The following CENPL variants were observed in gnomAD, a reference collection of about 807,000 sequenced individuals.
CENPL encodes the protein centromere protein L, also known as interphase centromere complex protein 33.
CENPL carries 20 observed loss-of-function variants against 35.2 expected under a neutral mutation model. That is an observed-to-expected ratio of 0.57 (90% confidence interval 0.40 to 0.83). CENPL has a LOEUF of 0.83. CENPL is among the 40% of genes least tolerant of loss of function. The pLI is 0.00. For missense variants in CENPL, 363 were observed against 395.8 expected (o/e 0.92, Z 0.70); for synonymous variants, 140 against 140.6 (o/e 1.00, Z 0.03).
At chr1:173,817,081 T>C (rs1651458399) in intron 2 of CENPL, among the ~76,000 whole-genome samples, 2 of 151,810 alleles carry the variant, frequency 1.3e-5, no homozygotes, top group Admixed American at 1.3e-4. Flanking sequence ...GAGGTTGCAG[T>C]GAGCCAAAAT....
intron 4 of CENPL, among the ~76,000 whole-genome samples, chr1:173,805,415 T>TATA (rs1328766285): frequency 2.1e-4 from 31 of 150,244 alleles, no homozygotes; most frequent in Middle Eastern, 3.4e-3. Context: ...CTTGGGGGGC[T>TATA]GAGGAGGGAG....
chr1:173,817,528 G>A (rs1002157353), intron 2 of CENPL, among the ~76,000 whole-genome samples: 4 of 152,236 alleles, frequency 2.6e-5, no homozygotes, highest in African/African-American at 7.2e-5. Context: ...AGGATGTGGA[G>A]AAATAGGAAT....
intron 2 of CENPL, among the ~76,000 whole-genome samples, chr1:173,818,118 C>CA (rs1557848957): frequency 6.6e-6 from 1 of 151,952 alleles, no homozygotes; most frequent in East Asian, 1.9e-4. Flanking sequence ...CAAACCTGCA[C>CA]ATTTTGCACA....
intron 1 of CENPL, 46 bp downstream of exon 1, chr1:173,824,166 G>C (rs1033151102): frequency 1.3e-5 from 2 of 152,226 alleles, no homozygotes; most frequent in Non-Finnish European, 2.9e-5. Flanking sequence ...CCTCAGACGC[G>C]GGGCGGGCCC....
chr1:173,806,643 T>C (rs1254357123), intron 4 of CENPL: 2 of 233,968 alleles, frequency 8.5e-6, no homozygotes. Flanking sequence ...GTAAGTAGTA[T>C]ATAAGAGCAA....
intron 2 of CENPL, among the ~76,000 whole-genome samples, chr1:173,819,998 C>T (rs1163767568): frequency 2.0e-5 from 3 of 152,064 alleles, no homozygotes; most frequent in Non-Finnish European, 4.4e-5. Flanking sequence ...CCACCGCACT[C>T]GGCCCATATT....
At chr1:173,809,304 T>C (rs1650572731) in intron 3 of CENPL, among the ~76,000 whole-genome samples, 1 of 149,602 alleles carries the variant, frequency 6.7e-6, no homozygotes, top group South Asian at 2.1e-4. Context: ...GATCGTACCA[T>C]TGCACTCCAG....
chr1:173,811,367 T>C, intron 2 of CENPL, 61 bp from the exon 3 acceptor site: 1 of 1,108,826 alleles, frequency 9.0e-7, no homozygotes, highest in East Asian at 2.4e-5. Flanking sequence ...ATGCTTACAG[T>C]TTCACTGATT....
intron 3 of CENPL, among the ~76,000 whole-genome samples, chr1:173,810,467 G>A (rs887266832): frequency 3.3e-5 from 5 of 151,772 alleles, no homozygotes; most frequent in African/African-American, 7.3e-5. Flanking sequence ...CATGACGCAC[G>A]TTTACCTAGA....
intron 2 of CENPL, among the ~76,000 whole-genome samples, chr1:173,813,383 C>T (rs1651032643): frequency 6.6e-6 from 1 of 152,068 alleles, no homozygotes; most frequent in African/African-American, 2.4e-5. Flanking sequence ...TCAGATTCAC[C>T]AAGGTTGAAA....
intron 2 of CENPL, among the ~76,000 whole-genome samples, chr1:173,818,478 AC>A (rs1246478875): frequency 6.6e-6 from 1 of 151,586 alleles, no homozygotes; most frequent in Non-Finnish European, 1.5e-5. Context: ...TTCCCATCTC[AC>A]CTCCTTTAAG....
intron 2 of CENPL, among the ~76,000 whole-genome samples, chr1:173,814,163 G>A (rs910716468): frequency 2.0e-5 from 3 of 152,000 alleles, no homozygotes; most frequent in African/African-American, 7.3e-5. Flanking sequence ...CCCAATACAG[G>A]AGCACCCAGA....
At position 173,807,392 on chromosome 1, in the gene CENPL, T is replaced by C. The variant is rs759090025; in HGVS notation, c.295A>G (p.Ile99Val). The C allele has an allele frequency of 1.4e-5, 22 of 1,613,620 alleles. No homozygotes were observed. In the South Asian group the frequency reaches 2.0e-4, roughly 15 times the overall value. ...KEYSRLLNAF[I>V]VAEKQKGLAV... ...AGTCCTTTTTGCTTTTCAGCAACAA[T>C]AAAAGCATTGAGAAGTCTAGAATAC... Residue 99 changes from isoleucine to valine, a missense_variant, in exon 4 of 6, where the codon ATT (isoleucine) becomes GTT (valine). By Grantham distance (29) the Ile-to-Val change is conservative (BLOSUM62 3). Coordinates refer to ENST00000682279, the MANE Select transcript of CENPL (RefSeq NM_001387287.1).
chr1:173,823,223 A>G (rs1360830970), intron 2 of CENPL: 1 of 152,206 alleles, frequency 6.6e-6, no homozygotes, highest in Non-Finnish European at 1.5e-5. Flanking sequence ...CCACACATCT[A>G]TATGAAGTCA....
At position 173,824,870 on chromosome 1, in the gene CENPL, T is replaced by A. The variant is rs2102629084; in HGVS notation, c.-760A>T. 3 of 338,894 alleles carry A rather than the reference T, an allele frequency of 8.9e-6. No individual in the cohort carries two copies. The highest frequency in any genetic ancestry group is 4.7e-5 in the South Asian group (2 of 42,414). The allele number at this position is 338,894 out of a possible 1,614,324, so 21.0% of individuals were successfully genotyped here. ...GAAGCGTGGAAAGAGGAGAAGGGCG[T>A]ATACCTTGTGACCGCCTCTGGTTGT... On this transcript the variant is annotated 5_prime_UTR_variant, in exon 1 of 6. Coordinates refer to ENST00000682279, the MANE Select transcript of CENPL (RefSeq NM_001387287.1).
At chr1:173,801,282 C>T (rs1285966700) in intron 5 of CENPL, among the ~76,000 whole-genome samples, 4 of 152,002 alleles carry the variant, frequency 2.6e-5, no homozygotes, top group Admixed American at 2.0e-4. Context: ...TTTGGGAGGC[C>T]GAGGTGGGTG....
At chr1:173,819,407 A>G (rs1036435015) in intron 2 of CENPL, among the ~76,000 whole-genome samples, 3 of 151,972 alleles carry the variant, frequency 2.0e-5, no homozygotes, top group Admixed American at 6.6e-5. Context: ...CCTGACCAAC[A>G]TGGTGAAACT....
rs1315369126 is a variant in CENPL at position 173,803,311 on chromosome 1, G to A, written c.615C>T (p.Asp205=). Residue 205 remains aspartate (D), a synonymous_variant, in exon 5 of 6, where the codon GAC becomes GAT. Transcript: ENST00000682279. ...TGATTGCTAAAGGACTGAAATAACA[G>A]TCAAAGGTTTTCTGAAACCAAGTTC... is the stretch of plus-strand genomic sequence containing the variant. ...IIGTWFQKTF[D]CYFSPLAINA... The A allele has an allele frequency of 6.2e-7, 1 of 1,613,638 alleles. No individual in the cohort carries two copies. Among genetic ancestry groups the A allele is most frequent in the Non-Finnish European group, 8.5e-7 (1 of 1,179,640 alleles).
At chr1:173,808,128 C>T (rs906509369) in intron 3 of CENPL, among the ~76,000 whole-genome samples, 1 of 152,042 alleles carries the variant, frequency 6.6e-6, no homozygotes, top group Admixed American at 6.5e-5. Context: ...ATTGTTTGGG[C>T]CAGGCACAGT....
Sources: allele counts gnomAD v4.1 joint callset (sites outside exome capture counted in the v4.1 genomes callset), GRCh38; gene constraint gnomAD v4.1.1; transcripts MANE v1.5; gene names NCBI Gene and HGNC (gene_info 2026-07-23, HGNC 2026-07-21).